ATXN3: variants seen among roughly 807,000 people sequenced by gnomAD.
ATXN3 encodes ataxin-3.
Under a neutral mutation model 58.2 loss-of-function variants are expected in ATXN3, and 28 were observed. The observed-to-expected ratio is 0.48, with a 90% CI of 0.36 to 0.66. ATXN3 has a LOEUF of 0.66. ATXN3 is among the 30% of genes least tolerant of loss of function. ATXN3 has a pLI of 0.00. For synonymous variants in ATXN3, 113 were observed against 138.5 expected (o/e 0.82, Z 1.29); for missense variants, 321 against 422.1 (o/e 0.76, Z 2.10).
At chr14:92,098,776 C>G (rs1238282543) in intron 1 of ATXN3, among the ~76,000 whole-genome samples, 1 of 152,112 alleles carries the variant, frequency 6.6e-6, no homozygotes, top group Non-Finnish European at 1.5e-5. Context: ...AGAACTGTCC[C>G]AAACAACCCT....
At chr14:92,097,141 C>T (rs1446758338) in intron 1 of ATXN3, among the ~76,000 whole-genome samples, 1 of 151,984 alleles carries the variant, frequency 6.6e-6, no homozygotes, top group Non-Finnish European at 1.5e-5. Flanking sequence ...GATCTCCTGA[C>T]CTCGTGATCC....
chr14:92,070,490 A>G (rs1288618287), intron 10 of ATXN3, among the ~76,000 whole-genome samples: 1 of 152,138 alleles, frequency 6.6e-6, no homozygotes. Flanking sequence ...GAGGCAGGAG[A>G]ATGCCATGAA....
chr14:92,075,586 C>A (rs1342701616), intron 9 of ATXN3, among the ~76,000 whole-genome samples: 8 of 151,950 alleles, frequency 5.3e-5, no homozygotes, highest in African/African-American at 1.9e-4. Context: ...GCTTCAAATA[C>A]TCAAAAAGGG....
At chr14:92,076,302 G>C (rs938906900) in intron 9 of ATXN3, among the ~76,000 whole-genome samples, 2 of 151,852 alleles carry the variant, frequency 1.3e-5, no homozygotes, top group African/African-American at 4.8e-5. Flanking sequence ...AAAAAAATTA[G>C]CCCGACGTGG....
At chr14:92,081,296 A>AC (rs968554959) in intron 8 of ATXN3, among the ~76,000 whole-genome samples, 3 of 151,782 alleles carry the variant, frequency 2.0e-5, no homozygotes, top group African/African-American at 7.3e-5. Flanking sequence ...AAAGGGCAAA[A>AC]CCCTATCTCT....
intron 1 of ATXN3, 52 bp from the exon 2 acceptor site, chr14:92,096,890 A>G (rs1219077476): frequency 8.2e-6 from 12 of 1,467,834 alleles, no homozygotes; most frequent in Non-Finnish European, 1.1e-5. Context: ...ACAGAATTGT[A>G]TAGTATCTTC....
chr14:92,088,055 ATTTCTTTTTTTTTTCT>A (rs1317628021), intron 6 of ATXN3, among the ~76,000 whole-genome samples: 3 of 151,806 alleles, frequency 2.0e-5, no homozygotes, highest in Middle Eastern at 3.4e-3. Flanking sequence ...AGGGGCATGT[ATTTCTTTTTTTTTTCT>A]TTTCTTTTTT....
At chr14:92,096,907 AT>A in intron 1 of ATXN3, 69 bp from the exon 2 acceptor site, 2 of 1,375,152 alleles carry the variant, frequency 1.5e-6, no homozygotes, top group Non-Finnish European at 2.0e-6. Flanking sequence ...CTTCCCCTAA[AT>A]AATTTTTTTT....
chr14:92,079,347 C>G, intron 9 of ATXN3: 1 of 651,972 alleles, frequency 1.5e-6, no homozygotes, highest in Non-Finnish European at 1.9e-6. Context: ...CACTAATAAG[C>G]ACTACTTTGA....
At chr14:92,080,915 G>A in intron 9 of ATXN3, 50 bp downstream of exon 9, 2 of 1,387,136 alleles carry the variant, frequency 1.4e-6, no homozygotes, top group Non-Finnish European at 2.0e-6. Flanking sequence ...AGACAAAATA[G>A]CCAAAGCAAA....
At chr14:92,089,357 T>A (rs796727050) in intron 5 of ATXN3, among the ~76,000 whole-genome samples, 6 of 120,752 alleles carry the variant, frequency 5.0e-5, no homozygotes, top group African/African-American at 2.1e-4. Context: ...TTTTTTTTTT[T>A]AGACAGAGTA....
At chr14:92,045,222 A>G (rs2140160640) in intron 2 of ATXN3, among the ~76,000 whole-genome samples, 1 of 152,320 alleles carries the variant, frequency 6.6e-6, no homozygotes, top group East Asian at 1.9e-4. Flanking sequence ...TTAAAAGACC[A>G]TTAGTCCGTT....
intron 6 of ATXN3, among the ~76,000 whole-genome samples, chr14:92,087,731 G>T (rs951464969): frequency 3.3e-5 from 5 of 152,186 alleles, no homozygotes; most frequent in African/African-American, 1.2e-4. Flanking sequence ...AAATGCTTGG[G>T]CCCCACAGTA....
At chr14:92,079,929 G>C (rs2061151247) in intron 9 of ATXN3, among the ~76,000 whole-genome samples, 1 of 151,966 alleles carries the variant, frequency 6.6e-6, no homozygotes, top group South Asian at 2.1e-4. Flanking sequence ...GTAGAGATGA[G>C]GTTTCACCAT....
chr14:92,057,488 T>G (rs1281648659), downstream of ATXN3, among the ~76,000 whole-genome samples: 2 of 152,080 alleles, frequency 1.3e-5, no homozygotes, highest in African/African-American at 4.8e-5. Context: ...CTGCTCTACC[T>G]ATGGGGTAGC....
intron 6 of ATXN3, chr14:92,083,460 C>T: frequency 1.5e-6 from 1 of 675,512 alleles, no homozygotes; most frequent in Non-Finnish European, 2.7e-6. Flanking sequence ...CTCTGAGCCT[C>T]ACTTTCTCCA....
chr14:92,075,058 T>C (rs1195917519), intron 9 of ATXN3, among the ~76,000 whole-genome samples: 2 of 152,200 alleles, frequency 1.3e-5, no homozygotes, highest in Non-Finnish European at 2.9e-5. Flanking sequence ...CTTGGGGTTT[T>C]ATGATGGTAA....
chr14:92,067,201 T>C (rs1301423099), intron 10 of ATXN3, among the ~76,000 whole-genome samples: 1 of 152,170 alleles, frequency 6.6e-6, no homozygotes, highest in East Asian at 1.9e-4. Flanking sequence ...AATTTCGAGA[T>C]CTTCATTTTT....
At chr14:92,104,655 G>C (rs993642077) in intron 1 of ATXN3, among the ~76,000 whole-genome samples, 1 of 152,188 alleles carries the variant, frequency 6.6e-6, no homozygotes, top group African/African-American at 2.4e-5. Context: ...GCCGGGTGCG[G>C]TGGCTCACGC....
Sources: allele counts gnomAD v4.1 joint callset (sites outside exome capture counted in the v4.1 genomes callset), GRCh38; gene constraint gnomAD v4.1.1; transcripts MANE v1.5; gene names NCBI Gene and HGNC (gene_info 2026-07-23, HGNC 2026-07-21).